GAD2: variants seen among roughly 807,000 people sequenced by gnomAD.
The protein encoded by GAD2 is glutamate decarboxylase 2, also known as 65 kDa glutamic acid decarboxylase.
Under a neutral mutation model 80.1 loss-of-function variants are expected in GAD2, and 22 were observed. The ratio of observed to expected loss-of-function variants is 0.27; its 90% CI spans 0.20 to 0.39. The LOEUF (loss-of-function observed/expected upper bound fraction) is 0.39. GAD2 is among the 10% of genes least tolerant of loss of function. The pLI is 1.00. For missense variants in GAD2, 624 were observed against 738.4 expected (o/e 0.85, Z 1.80); for synonymous variants, 274 against 256.9 (o/e 1.07, Z -0.64).
At chr10:26,241,001 C>T (rs554715679) in intron 7 of GAD2, among the ~76,000 whole-genome samples, 14 of 151,890 alleles carry the variant, frequency 9.2e-5, no homozygotes, top group African/African-American at 3.1e-4. Flanking sequence ...GAGATCGTGC[C>T]ACTGCACTCC....
At chr10:26,247,586 C>T (rs527930435) in intron 8 of GAD2, among the ~76,000 whole-genome samples, 1 of 152,056 alleles carries the variant, frequency 6.6e-6, no homozygotes, top group East Asian at 1.9e-4. Flanking sequence ...CGGTGGCTCA[C>T]GTGGAATTCA....
intron 7 of GAD2, among the ~76,000 whole-genome samples, chr10:26,235,128 C>A (rs142532994): frequency 3.3e-5 from 5 of 152,236 alleles, no homozygotes; most frequent in Non-Finnish European, 5.9e-5. Flanking sequence ...CCTGCCTTGG[C>A]CTTCCAAAGT....
chr10:26,294,449 T>C (rs57685594), intron 15 of GAD2, among the ~76,000 whole-genome samples: 35,916 of 152,110 alleles, frequency 0.24, 4,759 homozygotes, highest in African/African-American at 0.36. Context: ...AGTAGTGATT[T>C]GCAATCCTGG....
chr10:26,277,354 G>A (rs143319925), intron 11 of GAD2, among the ~76,000 whole-genome samples: 1 of 152,312 alleles, frequency 6.6e-6, no homozygotes, highest in Non-Finnish European at 1.5e-5. Flanking sequence ...GAATCTGCGG[G>A]GGTTCTTTCC....
intron 14 of GAD2, 73 bp from the exon 15 acceptor site, chr10:26,292,829 G>C (rs143779289): frequency 8.1e-7 from 1 of 1,232,920 alleles, no homozygotes; most frequent in East Asian, 2.3e-5. Context: ...TGAATACATC[G>C]ATTTGAAATG....
chr10:26,294,082 G>A (rs1834247996), intron 15 of GAD2, among the ~76,000 whole-genome samples: 1 of 152,230 alleles, frequency 6.6e-6, no homozygotes, highest in Admixed American at 6.5e-5. Context: ...CGGGGTATAT[G>A]CAGGACCTGT....
chr10:26,274,599 A>C (rs919491531), intron 11 of GAD2, among the ~76,000 whole-genome samples: 1 of 152,160 alleles, frequency 6.6e-6, no homozygotes, highest in African/African-American at 2.4e-5. Flanking sequence ...CTCTGCCACT[A>C]GATATCTTGG....
intron 7 of GAD2, among the ~76,000 whole-genome samples, chr10:26,236,634 G>C (rs1462023219): frequency 1.3e-5 from 2 of 152,070 alleles, no homozygotes; most frequent in African/African-American, 4.8e-5. Context: ...TTATTGGAGA[G>C]GTTTTTAGTT....
chr10:26,229,333 C>G (rs1326898004), intron 6 of GAD2, among the ~76,000 whole-genome samples: 1 of 151,958 alleles, frequency 6.6e-6, no homozygotes, highest in African/African-American at 2.4e-5. Context: ...TTTTACACAC[C>G]TAGTGCAGAA....
In GAD2 at chr10:26,229,343, A is replaced by G. The variant is rs568140132; in HGVS notation, c.725-319A>G. 2.0e-5 allele frequency among the ~76,000 whole-genome samples: 3 copies of G among 152,308 alleles called. No homozygotes were observed. In the South Asian group the frequency reaches 6.2e-4, roughly 32 times the overall value. On this transcript the variant is annotated intron_variant, in intron 6 of 15. Coordinates refer to ENST00000376261, the MANE Select transcript of GAD2 (RefSeq NM_001134366.2). ...CAGAATTTTACACACCTAGTGCAGA[A>G]TGACCATGCTCACAAGCTGGGATGG...
At chr10:26,296,789 A>G (rs1834277538) in intron 15 of GAD2, among the ~76,000 whole-genome samples, 1 of 152,124 alleles carries the variant, frequency 6.6e-6, no homozygotes, top group African/African-American at 2.4e-5. Flanking sequence ...GGACTTTTCA[A>G]AGGTTAGCAG....
intron 13 of GAD2, among the ~76,000 whole-genome samples, chr10:26,292,185 C>T (rs118072574): frequency 3.9e-5 from 6 of 152,302 alleles, no homozygotes; most frequent in Non-Finnish European, 5.9e-5. Context: ...AGCAGAGGCA[C>T]ATTTTCCTCT....
intron 7 of GAD2, among the ~76,000 whole-genome samples, chr10:26,243,940 G>T (rs1844774174): frequency 6.6e-6 from 1 of 152,138 alleles, no homozygotes; most frequent in South Asian, 2.1e-4. Flanking sequence ...TGTAAAATTG[G>T]CTTTGAGTTC....
Position 26,216,977 on chromosome 10 carries a change from C to T in GAD2, c.76+92C>T. On this transcript the variant is annotated intron_variant, in intron 1 of 15. Transcript: ENST00000376261. This position sits in a 1 kb window ranked among gnomAD's most constrained non-coding sequence, Gnocchi z 4.7. ...GAGAAGACGAAGGAGGTTTTTCCAC[C>T]TGCAACAGGAAACTTCTTCGGGCGC... 1 of 1,145,182 alleles carries T rather than the reference C, an allele frequency of 8.7e-7. No homozygotes were observed. The highest frequency in any genetic ancestry group is 1.3e-5 in the South Asian group (1 of 74,434). The allele number at this position is 1,145,182 out of a possible 1,614,324, so 70.9% of individuals were successfully genotyped here. A position where few individuals can be genotyped will look rare whatever the true frequency, so the allele number is the denominator to read the frequency against.
intron 15 of GAD2, among the ~76,000 whole-genome samples, chr10:26,298,749 G>C (rs187963133): frequency 1.5e-4 from 23 of 152,288 alleles, no homozygotes; most frequent in Admixed American, 1.2e-3. Flanking sequence ...AATTCCTGCA[G>C]CCAAGTGGAT....
intron 12 of GAD2, among the ~76,000 whole-genome samples, chr10:26,284,364 A>C (rs776325079): frequency 3.9e-5 from 6 of 152,124 alleles, no homozygotes; most frequent in Non-Finnish European, 8.8e-5. Flanking sequence ...GAGTTTCCTA[A>C]ATTTATTTGA....
chr10:26,218,021 C>A (rs1422073389), intron 3 of GAD2, 30 bp downstream of exon 3: 4 of 1,568,148 alleles, frequency 2.6e-6, no homozygotes, highest in Non-Finnish European at 3.5e-6. Flanking sequence ...CCCCGGGGCG[C>A]CCCTGCCCCT....
rs1177655161 is a variant in GAD2 at position 26,301,175 on chromosome 10, A to G, written c.*214A>G. On this transcript the variant is annotated 3_prime_UTR_variant, in exon 16 of 16. Coordinates refer to ENST00000376261, the MANE Select transcript of GAD2 (RefSeq NM_001134366.2). ...CTCTAAGAATTCGTGACAAAAGGCTATGTTCTAATCAATAAGGAAAAGCTT... is the reference window on the plus strand; with the variant it reads ...CTCTAAGAATTCGTGACAAAAGGCTGTGTTCTAATCAATAAGGAAAAGCTT... 6 of 524,252 alleles carry G rather than the reference A, an allele frequency of 1.1e-5. No individual in the cohort carries two copies. The highest frequency in any genetic ancestry group is 6.3e-5 in the Admixed American group (2 of 31,688). The allele number at this position is 524,252 out of a possible 1,614,324, so 32.5% of individuals were successfully genotyped here. A position where few individuals can be genotyped will look rare whatever the true frequency, so the allele number is the denominator to read the frequency against.
rs571141260 is a variant in GAD2, at chr10:26,248,260, C to T, written c.920+2260C>T. The stretch of plus-strand genomic sequence containing the variant: ...TGAAGCAGGACTTATAGGACATAGG[C>T]GAATTCAAAGGTTTTCTGATTTGCA... On this transcript the variant is annotated intron_variant, in intron 8 of 15. Coordinates refer to ENST00000376261, the MANE Select transcript of GAD2 (RefSeq NM_001134366.2). Among the ~76,000 whole-genome samples the T allele has an allele frequency of 2.0e-5, 3 of 152,286 alleles. No homozygotes were observed. In the South Asian group the frequency reaches 6.2e-4, roughly 32 times the overall value.
Sources: allele counts gnomAD v4.1 joint callset (sites outside exome capture counted in the v4.1 genomes callset), GRCh38; gene constraint gnomAD v4.1.1; non-coding constraint Gnocchi (gnomAD v3.1); transcripts MANE v1.5; gene names NCBI Gene and HGNC (gene_info 2026-07-23, HGNC 2026-07-21).